The following HERC2 variants were observed in gnomAD, a reference collection of about 807,000 sequenced individuals.
The protein encoded by HERC2 is HECT and RLD domain containing E3 ubiquitin protein ligase 2.
A neutral mutation model predicts 537.7 loss-of-function variants in HERC2; 102 were observed. That is an observed-to-expected ratio of 0.19 (90% CI 0.16 to 0.22). The LOEUF (loss-of-function observed/expected upper bound fraction) is 0.22. Among genes scored for constraint, HERC2 ranks in the 10% least tolerant of loss-of-function variants. HERC2 has a pLI of 1.00. For missense variants in HERC2, 4,236 were observed against 6,198.2 expected (o/e 0.68, Z 10.63); for synonymous variants, 2,224 against 2,466.2 (o/e 0.90, Z 2.91).
intron 44 of HERC2, among the ~76,000 whole-genome samples, chr15:28,207,603 A>G (rs2140386559): frequency 6.6e-6 from 1 of 152,202 alleles, no homozygotes; most frequent in East Asian, 1.9e-4. Flanking sequence ...TTTGTCTGTT[A>G]TGAGTAGCTT....
Position 28,201,524 on chromosome 15 carries a change from T to C in HERC2, c.7648A>G (p.Thr2550Ala). 1 of 1,613,512 alleles carries C rather than the reference T, an allele frequency of 6.2e-7. No homozygotes were observed. Among genetic ancestry groups the C allele is most frequent in the East Asian group, 2.2e-5 (1 of 44,880 alleles). ...AAGAAATCAGCTCGTTTTTTGTACG[T>C]CTGGCTCTCCGTCACAACAGCACCA... ...STGAVVTESQ[T>A]YKKRADFLSN... is the part of the protein sequence containing the mutation. The change falls in exon 48 of 93, where the codon ACG (threonine) becomes GCG (alanine). Residue 2550 changes from threonine (T) to alanine (A), a missense_variant. Around this residue, in one of 27 missense-constraint regions of HERC2, gnomAD observed 606 missense variants for 884.5 expected, o/e 0.69. Coordinates refer to ENST00000261609, the MANE Select transcript of HERC2 (RefSeq NM_004667.6).
At position 28,250,856 on chromosome 15, in the gene HERC2, G is replaced by A. The variant is rs557022541; in HGVS notation, c.3051-2120C>T. ...TGCTTATGAAGACAGCCTGGATATC[G>A]GCTACTGGAAAGCTGCGAATGCATT... On this transcript the variant is annotated intron_variant, in intron 20 of 92. Coordinates refer to ENST00000261609, the MANE Select transcript of HERC2 (RefSeq NM_004667.6). Among the ~76,000 whole-genome samples, 60 of 152,236 alleles carry A rather than the reference G, an allele frequency of 3.9e-4. 1 individual carries two copies. In the East Asian group the frequency reaches 6.9e-3, roughly 18 times the overall value.
intron 5 of HERC2, among the ~76,000 whole-genome samples, chr15:28,276,105 A>C (rs1206092046): frequency 6.9e-6 from 1 of 145,520 alleles, no homozygotes; most frequent in Non-Finnish European, 1.5e-5. Context: ...ACAATCACTT[A>C]AACCTGGGAG....
chr15:28,238,503 G>A lies in HERC2; in HGVS notation c.3748+99C>T, dbSNP rs745889976. 97 of 931,208 alleles carry A rather than the reference G, an allele frequency of 1.0e-4. 1 individual carries two copies. In the Admixed American group the frequency reaches 1.1e-3, roughly 10 times the overall value. The allele number at this position is 931,208 out of a possible 1,614,324, so 57.7% of individuals were successfully genotyped here. ...CACAGATACATTAAAATATGTGGGGGCTGGCACAAAACTAAAGAAATCATT... is the reference window on the plus strand; with the variant it reads ...CACAGATACATTAAAATATGTGGGGACTGGCACAAAACTAAAGAAATCATT... On this transcript the variant is annotated intron_variant, in intron 24 of 92. Transcript: ENST00000261609.
intron 23 of HERC2, among the ~76,000 whole-genome samples, chr15:28,245,556 A>T (rs1369982652): frequency 1.7e-4 from 21 of 126,508 alleles, no homozygotes; most frequent in East Asian, 1.3e-3. Context: ...CAAAAAAAAA[A>T]AAAAATATAT....
At chr15:28,255,724 T>C (rs1418050104) in intron 19 of HERC2, 148 bp downstream of exon 19, 11 of 841,418 alleles carry the variant, frequency 1.3e-5, no homozygotes, top group East Asian at 2.7e-5. Flanking sequence ...ATTTTGTAAA[T>C]TGGCACATAA....
In HERC2 at chr15:28,172,845, A is replaced by G. The variant is rs1188806609; in HGVS notation, c.10057+1550T>C. On this transcript the variant is annotated intron_variant, in intron 65 of 92. Coordinates refer to ENST00000261609, the MANE Select transcript of HERC2 (RefSeq NM_004667.6). ...ATGACAAGCCACACTGACAGAAAAT[A>G]CTAGCAAATTCTATATTAGGCAAAG... Among the ~76,000 whole-genome samples the G allele has an allele frequency of 3.3e-5, 5 of 152,262 alleles. No individual in the cohort carries two copies. The East Asian group carries it at 9.6e-4, about 29-fold the overall frequency.
In HERC2 at chr15:28,270,703, A is replaced by G. The variant is rs1273965667; in HGVS notation, c.1249T>C (p.Ser417Pro). The change falls in exon 10 of 93, where the codon TCT becomes CCT. Residue 417 changes from serine (S) to proline (P), a missense_variant. Ser to Pro is a moderately conservative substitution (Grantham distance 74). This residue lies in a region of HERC2 where 491 missense variants were observed against 559.3 expected (regional missense o/e 0.88). Coordinates refer to ENST00000261609, the MANE Select transcript of HERC2 (RefSeq NM_004667.6). ...CMPPLCSSPTSHKGSLQEVIG... is the reference protein window; with the variant it reads ...CMPPLCSSPTPHKGSLQEVIG... ...GGTTCTTGCACACACACCTTATGAGATGTCGGAGAGCTACACAGCGGAGGC... is the reference window on the plus strand; with the variant it reads ...GGTTCTTGCACACACACCTTATGAGGTGTCGGAGAGCTACACAGCGGAGGC... The G allele has an allele frequency of 6.2e-7, 1 of 1,613,850 alleles. No homozygotes were observed.
At position 28,176,583 on chromosome 15, in the gene HERC2, C is replaced by T; in HGVS notation, c.9531G>A (p.Trp3177Ter). The change falls in exon 63 of 93, where the codon TGG becomes TGA. Residue 3177 changes from tryptophan to a stop codon, truncating the protein, a stop_gained. Coordinates refer to ENST00000261609, the MANE Select transcript of HERC2 (RefSeq NM_004667.6). LOFTEE classifies it high-confidence loss of function. This position sits in a 1 kb window ranked among gnomAD's most constrained non-coding sequence, Gnocchi z 5.0. ...ALTDEGLVFSWGDGDFGKLGR... is the reference protein window; with the variant it reads ...ALTDEGLVFS ...CCAGTTTTCCAAAGTCACCATCACCCCAGGAAAATACCAAACCTAGGTTTA... is the reference window on the plus strand; with the variant it reads ...CCAGTTTTCCAAAGTCACCATCACCTCAGGAAAATACCAAACCTAGGTTTA... 1 of 1,614,172 alleles carries T rather than the reference C, an allele frequency of 6.2e-7. No individual in the cohort carries two copies. Among genetic ancestry groups the T allele is most frequent in the Non-Finnish European group, 8.5e-7 (1 of 1,180,018 alleles).
rs1323723442 is a variant in HERC2, at chr15:28,177,971, C to A, written c.9164-462G>T. 6.6e-6 allele frequency among the ~76,000 whole-genome samples: 1 copy of A among 152,214 alleles called. No homozygotes were observed. The highest frequency in any genetic ancestry group is 6.5e-5 in the Admixed American group (1 of 15,276). On this transcript the variant is annotated intron_variant, in intron 59 of 92. Transcript: ENST00000261609. The surrounding 1 kb of genome is among the most constrained non-coding windows in gnomAD (Gnocchi z 5.0). ...AACACGTCAGCTTATGCTCTTTCCC[C>A]AGCATGGAATATTCTCAAAGTCCAT...
rs1426178158 is a variant in HERC2 at position 28,272,998 on chromosome 15, A to C, written c.807T>G (p.Val269=). 3 of 1,612,000 alleles carry C rather than the reference A, an allele frequency of 1.9e-6. No individual in the cohort carries two copies. In the African/African-American group the frequency reaches 4.0e-5, roughly 22 times the overall value. Residue 269 remains valine (V), a synonymous_variant, in exon 8 of 93, where the codon GTT becomes GTG. Coordinates refer to ENST00000261609, the MANE Select transcript of HERC2 (RefSeq NM_004667.6). ...GCCCTTTGGTGGCTGGCGTTCCGTG[A>C]ACATCCCTGAAATGAAAGCAGTGGA... is the stretch of plus-strand genomic sequence containing the variant. The part of the protein sequence containing the change: ...RFLRSVVTGD[V]HGTPATKGPG...
chr15:28,111,042 TTA>T lies in HERC2; in HGVS notation c.*719_*720del, dbSNP rs1887601130. 1 of 152,262 alleles carries T rather than the reference TTA, an allele frequency of 6.6e-6. No homozygotes were observed. Among genetic ancestry groups the T allele is most frequent in the South Asian group, 2.1e-4 (1 of 4,834 alleles). The allele number at this position is 152,262 out of a possible 1,614,324, so 9.4% of individuals were successfully genotyped here. On this transcript the variant is annotated 3_prime_UTR_variant, in exon 93 of 93. Transcript: ENST00000261609. Reference sequence around the variant, plus strand: ...GGTTAAGAAAGCTCAGCCTACACTTTTATGTCAGATGTTTTATTTATAGATAA... The same window carrying T: ...GGTTAAGAAAGCTCAGCCTACACTTTTGTCAGATGTTTTATTTATAGATAA...
At chr15:28,284,580 A>G (rs901014208) in intron 4 of HERC2, among the ~76,000 whole-genome samples, 3 of 152,178 alleles carry the variant, frequency 2.0e-5, no homozygotes, top group African/African-American at 7.2e-5. Context: ...AAAGGACAGC[A>G]GAAGTTGGCT....
Position 28,182,384 on chromosome 15 carries a change from C to T in HERC2, c.8937+17G>A. 2 of 1,586,172 alleles carry T rather than the reference C, an allele frequency of 1.3e-6. No individual in the cohort carries two copies. The highest frequency in any genetic ancestry group is 1.7e-6 in the Non-Finnish European group (2 of 1,155,408). On this transcript the variant is annotated intron_variant, in intron 57 of 92. Coordinates refer to ENST00000261609, the MANE Select transcript of HERC2 (RefSeq NM_004667.6). ...CCGAGTGCCCCACCCTGCTGGGTCC[C>T]AGGGAGCAGGCCGTACCTTGGAGCC...
intron 23 of HERC2, among the ~76,000 whole-genome samples, chr15:28,245,232 T>A (rs940824509): frequency 1.3e-5 from 2 of 152,136 alleles, no homozygotes. Flanking sequence ...GGATTACTAA[T>A]GGAAAAATCT....
In HERC2 at chr15:28,182,291, G is replaced by C; in HGVS notation, c.8937+110C>G. On this transcript the variant is annotated intron_variant, in intron 57 of 92. Transcript: ENST00000261609. ...GTAATTTGATAATGTCTTTTAGTTC[G>C]TGTAAAGAAACAATACAACATATAG... The C allele has an allele frequency of 4.8e-6, 3 of 629,032 alleles. No individual in the cohort carries two copies. The South Asian group carries it at 7.2e-5, about 15-fold the overall frequency. 39.0% of individuals were successfully genotyped at this position (629,032 alleles called of 1,614,324 possible).
intron 4 of HERC2, among the ~76,000 whole-genome samples, chr15:28,283,487 A>G (rs2076078407): frequency 6.6e-6 from 1 of 152,178 alleles, no homozygotes. Flanking sequence ...AGGAAAGCAA[A>G]ACATTCTCAG....
rs183405709 is a variant in HERC2 at position 28,316,752 on chromosome 15, C to T, written c.72+4610G>A. Among the ~76,000 whole-genome samples, 8 of 152,234 alleles carry T rather than the reference C, an allele frequency of 5.3e-5. No individual in the cohort carries two copies. In the East Asian group the frequency reaches 1.5e-3, roughly 29 times the overall value. On this transcript the variant is annotated intron_variant, in intron 2 of 92. Coordinates refer to ENST00000261609, the MANE Select transcript of HERC2 (RefSeq NM_004667.6). ...TGAGAACAGAATTTATCAAGATACT[C>T]ATGTTTATACTTTTTTTATCTACTG...
rs756546399 is a variant in HERC2, at chr15:28,163,059, T to G, written c.10746+35A>C. ...GGAGGGTGGCCCAACATGGAGGAGGTGGAATCAGACGGCCCCGCCCTCCCT... is the reference window on the plus strand; with the variant it reads ...GGAGGGTGGCCCAACATGGAGGAGGGGGAATCAGACGGCCCCGCCCTCCCT... On this transcript the variant is annotated intron_variant, in intron 69 of 92. Transcript: ENST00000261609. 18 of 1,556,216 alleles carry G rather than the reference T, an allele frequency of 1.2e-5. 1 individual carries two copies. In the South Asian group the frequency reaches 1.9e-4, roughly 16 times the overall value.
Sources: gnomAD v4.1 joint callset for allele counts (sites outside exome capture counted in the v4.1 genomes callset) on GRCh38, gnomAD v4.1.1 for gene constraint, gnomAD v4.1.1 regional missense constraint, Gnocchi (gnomAD v3.1) non-coding constraint, MANE v1.5 for transcripts, NCBI Gene and HGNC (gene_info 2026-07-23, HGNC 2026-07-21) for gene names.